Variants in MGA observed in about 807,000 individuals in gnomAD.
MGA encodes the protein MAX dimerization protein MGA.
MGA carries 40 observed loss-of-function variants against 261.1 expected under a neutral mutation model. That is an observed-to-expected ratio of 0.15 (90% confidence interval 0.12 to 0.20). MGA has a LOEUF of 0.20. MGA is among the 10% of genes least tolerant of loss of function. The pLI is 1.00. For missense variants in MGA, 3,397 were observed against 3,630.5 expected, an observed-to-expected ratio of 0.94 and a Z score of 1.65; for synonymous variants, 1,302 against 1,290.6, an observed-to-expected ratio of 1.01 and a Z score of -0.19.
At chr15:41,683,147 CT>C (rs2058760800) in intron 2 of MGA, among the ~76,000 whole-genome samples, 1 of 152,134 alleles carries the variant, frequency 6.6e-6, no homozygotes, top group African/African-American at 2.4e-5. Context: ...CTTTCAGAAC[CT>C]TTTATTGATC....
intron 1 of MGA, among the ~76,000 whole-genome samples, chr15:41,636,275 A>T (rs1278932977): frequency 5.9e-5 from 9 of 151,542 alleles, no homozygotes; most frequent in Admixed American, 2.0e-4. Flanking sequence ...ACCATGCCAG[A>T]CTAAATTTTT....
chr15:41,759,199 A>G (rs541704048), intron 19 of MGA, among the ~76,000 whole-genome samples: 1 of 152,330 alleles, frequency 6.6e-6, no homozygotes, highest in African/African-American at 2.4e-5. Flanking sequence ...TGATGTAACT[A>G]TATTGGGATG....
intron 11 of MGA, among the ~76,000 whole-genome samples, chr15:41,732,884 C>T (rs1480615412): frequency 6.6e-6 from 1 of 152,178 alleles, no homozygotes; most frequent in Non-Finnish European, 1.5e-5. Context: ...ATTCAGACTC[C>T]TTTCCTAGGA....
chr15:41,700,755 T>G (rs950114388), intron 5 of MGA, among the ~76,000 whole-genome samples: 10 of 152,214 alleles, frequency 6.6e-5, no homozygotes, highest in Admixed American at 2.6e-4. Flanking sequence ...TGTGCCCCAA[T>G]TTTTAGTTTC....
intron 18 of MGA, among the ~76,000 whole-genome samples, chr15:41,756,223 G>A (rs912099349): frequency 2.6e-5 from 4 of 152,158 alleles, no homozygotes; most frequent in African/African-American, 9.7e-5. Flanking sequence ...TTACAAGTCA[G>A]TAAGAAAAAG....
intron 1 of MGA, among the ~76,000 whole-genome samples, chr15:41,649,894 TGGTGTCGAACTCCTGACCTCA>T (rs1053228070): frequency 6.6e-6 from 1 of 152,194 alleles, no homozygotes; most frequent in Non-Finnish European, 1.5e-5. Context: ...TTGGCCAGGC[TGGTGTCGAACTCCTGACCTCA>T]GGTGATCTGC....
chr15:41,641,200 G>A (rs1193632896), intron 1 of MGA, among the ~76,000 whole-genome samples: 1 of 152,138 alleles, frequency 6.6e-6, no homozygotes, highest in Non-Finnish European at 1.5e-5. Context: ...ATTTCATTGT[G>A]TTGATACAGC....
chr15:41,734,726 C>T, intron 12 of MGA, 132 bp downstream of exon 12: 2 of 669,708 alleles, frequency 3.0e-6, no homozygotes, highest in East Asian at 3.2e-5. Flanking sequence ...ATGCCAAAAA[C>T]AGGGACAATA....
chr15:41,668,610 T>G (rs2057893511), intron 1 of MGA, among the ~76,000 whole-genome samples: 1 of 152,210 alleles, frequency 6.6e-6, no homozygotes, highest in South Asian at 2.1e-4. Context: ...ATAAGCACCT[T>G]AACTAATTAG....
At chr15:41,687,297 T>G (rs2059020198) in intron 2 of MGA, among the ~76,000 whole-genome samples, 1 of 152,144 alleles carries the variant, frequency 6.6e-6, no homozygotes, top group Non-Finnish European at 1.5e-5. Context: ...CAGTTTTCAG[T>G]GATTGGGGAA....
At chr15:41,759,849 G>A (rs1199741310) in intron 19 of MGA, among the ~76,000 whole-genome samples, 3 of 152,138 alleles carry the variant, frequency 2.0e-5, no homozygotes, top group Admixed American at 6.6e-5. Flanking sequence ...GTGGGATTGT[G>A]TAGTATATTT....
intron 1 of MGA, among the ~76,000 whole-genome samples, chr15:41,623,184 C>T (rs911022603): frequency 6.6e-6 from 1 of 152,064 alleles, no homozygotes; most frequent in African/African-American, 2.4e-5. Flanking sequence ...TTTTAAAATT[C>T]ATTTGAAAAA....
chr15:41,665,042 GT>G (rs1254466961), intron 1 of MGA, among the ~76,000 whole-genome samples: 3 of 152,052 alleles, frequency 2.0e-5, no homozygotes, highest in Non-Finnish European at 4.4e-5. Flanking sequence ...TTTATCTCTA[GT>G]CATAATAGGA....
intron 9 of MGA, among the ~76,000 whole-genome samples, chr15:41,723,760 T>C (rs977444881): frequency 1.2e-4 from 19 of 152,146 alleles, no homozygotes; most frequent in African/African-American, 3.6e-4. Context: ...TTAAAACATG[T>C]CATAAACAGA....
chr15:41,714,492 G>A (rs1226129534), intron 9 of MGA, among the ~76,000 whole-genome samples: 1 of 152,190 alleles, frequency 6.6e-6, no homozygotes, highest in African/African-American at 2.4e-5. Flanking sequence ...TCAGACGTAT[G>A]CCAGTAGTCA....
At chr15:41,723,573 G>A (rs2061070038) in intron 9 of MGA, among the ~76,000 whole-genome samples, 1 of 151,984 alleles carries the variant, frequency 6.6e-6, no homozygotes, top group Non-Finnish European at 1.5e-5. Context: ...ATGCCACCAT[G>A]CCCAGCTAAA....
intron 22 of MGA, among the ~76,000 whole-genome samples, chr15:41,763,423 A>C (rs756029931): frequency 4.6e-5 from 7 of 151,382 alleles, no homozygotes; most frequent in Non-Finnish European, 8.8e-5. Context: ...TTTTCATCAG[A>C]TCACTTACTT....
intron 19 of MGA, among the ~76,000 whole-genome samples, chr15:41,758,646 A>G (rs890578558): frequency 2.0e-5 from 3 of 152,188 alleles, no homozygotes; most frequent in African/African-American, 7.2e-5. Flanking sequence ...AATTACATGC[A>G]AATTCTTGCT....
intron 17 of MGA, chr15:41,751,798 A>G (rs1418321175): frequency 6.6e-6 from 1 of 151,970 alleles, no homozygotes; most frequent in Non-Finnish European, 1.5e-5. Context: ...GATGTAAAAC[A>G]TGGGGAGATC....
Sources: allele counts gnomAD v4.1 joint callset (sites outside exome capture counted in the v4.1 genomes callset), GRCh38; gene constraint gnomAD v4.1.1; transcripts MANE v1.5; gene names NCBI Gene and HGNC (gene_info 2026-07-23, HGNC 2026-07-21).